TNXB: variants seen among roughly 807,000 people sequenced by gnomAD.
TNXB encodes the protein tenascin XB.
A neutral mutation model predicts 340.5 loss-of-function variants in TNXB; 183 were observed. The ratio of observed to expected loss-of-function variants is 0.54; its 90% CI spans 0.48 to 0.61. TNXB has a LOEUF of 0.61. TNXB is among the 20% of genes least tolerant of loss of function. TNXB has a pLI of 0.00. For synonymous variants in TNXB, 2,121 were observed against 2,314.5 expected, an observed-to-expected ratio of 0.92 and a Z score of 2.40; for missense variants, 4,613 against 5,446.4, an observed-to-expected ratio of 0.85 and a Z score of 4.82.
chr6:32,044,108 A>T lies in TNXB; in HGVS notation c.11285T>A (p.Leu3762His), dbSNP rs756864717. The change falls in exon 34 of 44, where the codon CTC (leucine) becomes CAC (histidine). Residue 3762 changes from leucine to histidine, a missense_variant. Leu to His is a moderately conservative substitution (Grantham distance 99). Coordinates refer to ENST00000644971, the MANE Select transcript of TNXB (RefSeq NM_001365276.2). ...GGTCTCCCTGATTTCACTGAATTGG[A>T]GGTCACGGGGGCTCTCCAGAACTGC... Reference protein sequence around the residue: ...LSPVLESPRDLQFSEIRETSA... With the variant: ...LSPVLESPRDHQFSEIRETSA... 10 of 1,478,940 alleles carry T rather than the reference A, an allele frequency of 6.8e-6. No homozygotes were observed. The highest frequency in any genetic ancestry group is 9.2e-6 in the Non-Finnish European group (10 of 1,085,572). The allele number at this position is 1,478,940 out of a possible 1,614,324, so 91.6% of individuals were successfully genotyped here.
Position 32,068,316 on chromosome 6 carries a change from C to T in TNXB, c.6220+74G>A. On this transcript the variant is annotated intron_variant, in intron 17 of 43. Transcript: ENST00000644971. The surrounding 1 kb of genome is among the most constrained non-coding windows in gnomAD (Gnocchi z 5.3). ...CTGACCAGACCCTTGTCCCATTCCC[C>T]ACCAGTCATCACCAAAGAGCAAGAG... is the stretch of plus-strand genomic sequence containing the variant. The T allele has an allele frequency of 6.4e-7, 1 of 1,553,054 alleles. No homozygotes were observed. The highest frequency in any genetic ancestry group is 8.7e-7 in the Non-Finnish European group (1 of 1,146,526).
At chr6:32,057,601 C>T (rs1328473945) in intron 22 of TNXB, among the ~76,000 whole-genome samples, 1 of 151,968 alleles carries the variant, frequency 6.6e-6, no homozygotes, top group African/African-American at 2.4e-5. Context: ...GTGAGTGGTC[C>T]CCTCCTCTGC....
chr6:32,097,567 C>A lies in TNXB; in HGVS notation c.404-118G>T. The A allele has an allele frequency of 2.3e-6, 3 of 1,302,420 alleles. No individual in the cohort carries two copies. The highest frequency in any genetic ancestry group is 3.1e-6 in the Non-Finnish European group (3 of 965,302). 80.7% of individuals were successfully genotyped at this position (1,302,420 alleles called of 1,614,324 possible). A position where few individuals can be genotyped will look rare whatever the true frequency, so the allele number is the denominator to read the frequency against. ...CTAGCCTCATCTCATAAGGCCATGT[C>A]TGCTCCCAGTTGCTAGTATGTGTAA... On this transcript the variant is annotated intron_variant, in intron 2 of 43. Coordinates refer to ENST00000644971, the MANE Select transcript of TNXB (RefSeq NM_001365276.2). This position sits in a 1 kb window ranked among gnomAD's most constrained non-coding sequence, Gnocchi z 5.9.
At chr6:32,094,979 CT>C (rs1386557444) in intron 4 of TNXB, 96 bp downstream of exon 4, 12 of 1,025,010 alleles carry the variant, frequency 1.2e-5, no homozygotes, top group Non-Finnish European at 1.5e-5. Context: ...GCCATCTGGA[CT>C]CAACCAATGA....
In TNXB at chr6:32,070,285, T is replaced by A. The variant is rs1249054845; in HGVS notation, c.5120A>T (p.Gln1707Leu). 1.2e-6 allele frequency: 2 copies of A among 1,612,954 alleles called. No homozygotes were observed. Among genetic ancestry groups the A allele is most frequent in the Non-Finnish European group, 1.7e-6 (2 of 1,179,614 alleles). ...PEGQFDSFVVQFKDKDGPQVV... is the reference protein window; with the variant it reads ...PEGQFDSFVVLFKDKDGPQVV... ...CTGGGGCCCGTCTTTGTCCTTGAACTGGACCACAAAAGAGTCGAACTGGCC... is the reference window on the plus strand; with the variant it reads ...CTGGGGCCCGTCTTTGTCCTTGAACAGGACCACAAAAGAGTCGAACTGGCC... The change falls in exon 14 of 44, where the codon CAG (glutamine) becomes CTG (leucine). Residue 1707 changes from glutamine to leucine, a missense_variant. By Grantham distance (113) the Gln-to-Leu change is moderately radical. Coordinates refer to ENST00000644971, the MANE Select transcript of TNXB (RefSeq NM_001365276.2). This position sits in a 1 kb window ranked among gnomAD's most constrained non-coding sequence, Gnocchi z 6.0.
At chr6:32,053,131 G>T in intron 25 of TNXB, 138 bp from the exon 26 acceptor site, 1 of 1,123,804 alleles carries the variant, frequency 8.9e-7, no homozygotes, top group Non-Finnish European at 1.2e-6. Flanking sequence ...GGAGCTGGGT[G>T]GTCTTGCTCA....
Position 32,070,626 on chromosome 6 carries a change from GAA to G in TNXB, c.4991-214_4991-213del, listed in dbSNP as rs967873468. ...GTCACCTGTCCTGAGTCACCTCCAGGAAAAGAGATTCCCTAGCTCCCTGCCTC... is the reference window on the plus strand; with the variant it reads ...GTCACCTGTCCTGAGTCACCTCCAGGAAGAGATTCCCTAGCTCCCTGCCTC... On this transcript the variant is annotated intron_variant, in intron 13 of 43. Transcript: ENST00000644971. This position sits in a 1 kb window ranked among gnomAD's most constrained non-coding sequence, Gnocchi z 6.0. Among the ~76,000 whole-genome samples the G allele has an allele frequency of 6.6e-6, 1 of 152,106 alleles. No individual in the cohort carries two copies.
Position 32,084,223 on chromosome 6 carries a change from G to A in TNXB, c.3445+190C>T, listed in dbSNP as rs1326242372. Reference sequence around the variant, plus strand: ...CCATGCTCTCCCCACCTTACTCACCGTGACTCCCTCAGGCTGCACTGAGCT... The same window carrying A: ...CCATGCTCTCCCCACCTTACTCACCATGACTCCCTCAGGCTGCACTGAGCT... On this transcript the variant is annotated intron_variant, in intron 8 of 43. Transcript: ENST00000644971. The surrounding 1 kb of genome is among the most constrained non-coding windows in gnomAD (Gnocchi z 5.5). 2.0e-5 allele frequency among the ~76,000 whole-genome samples: 3 copies of A among 152,018 alleles called. No homozygotes were observed. Among genetic ancestry groups the A allele is most frequent in the African/African-American group, 4.8e-5 (2 of 41,360 alleles).
intron 22 of TNXB, among the ~76,000 whole-genome samples, chr6:32,057,360 T>C (rs1484076637): frequency 2.6e-5 from 4 of 152,114 alleles, no homozygotes; most frequent in Non-Finnish European, 5.9e-5. Context: ...TTACCCTGAA[T>C]TCCCCTGGAT....
intron 11 of TNXB, among the ~76,000 whole-genome samples, chr6:32,078,073 G>GAA (rs879020062): frequency 8.0e-6 from 1 of 125,004 alleles, no homozygotes; most frequent in Non-Finnish European, 1.6e-5. Flanking sequence ...CAGAAAGAAA[G>GAA]AGAAAGAAAG....
intron 1 of TNXB, among the ~76,000 whole-genome samples, chr6:32,102,257 T>C (rs1780755459): frequency 6.6e-6 from 1 of 152,176 alleles, no homozygotes; most frequent in Non-Finnish European, 1.5e-5. Flanking sequence ...CTAAAACATA[T>C]AGTCTATAAC....
At position 32,097,385 on chromosome 6, in the gene TNXB, A is replaced by T. The variant is rs1445119291; in HGVS notation, c.468T>A (p.Cys156Ter). ...GCCCACCCCAGCCTGGCTCACAGGA[A>T]CAGGTGCAGCGGCTCAGATCAAACA... Reference protein sequence around the residue: ...HGVFDLSRCTCSCEPGWGGPT... With the variant: ...HGVFDLSRCT The change falls in exon 3 of 44, where the codon TGT becomes TGA. Residue 156 changes from cysteine (C) to a stop codon, truncating the protein, a stop_gained. Transcript: ENST00000644971. LOFTEE classifies it high-confidence loss of function. The surrounding 1 kb of genome is among the most constrained non-coding windows in gnomAD (Gnocchi z 5.9). 1.9e-6 allele frequency: 3 copies of T among 1,611,216 alleles called. No individual in the cohort carries two copies. Among genetic ancestry groups the T allele is most frequent in the Non-Finnish European group, 2.5e-6 (3 of 1,179,626 alleles).
Position 32,079,412 on chromosome 6 carries a change from C to T in TNXB, c.4043-47G>A, listed in dbSNP as rs1313489002. The T allele has an allele frequency of 2.7e-6, 4 of 1,467,960 alleles. No individual in the cohort carries two copies. Among genetic ancestry groups the T allele is most frequent in the African/African-American group, 1.4e-5 (1 of 71,420 alleles). The allele number at this position is 1,467,960 out of a possible 1,614,324, so 90.9% of individuals were successfully genotyped here. ...TAAAGGGCTGCTGGCTTTGCTGCTG[C>T]TGCCCACAGATGACAGCCATGGAAA... On this transcript the variant is annotated intron_variant, in intron 10 of 43. Coordinates refer to ENST00000644971, the MANE Select transcript of TNXB (RefSeq NM_001365276.2). The surrounding 1 kb of genome is among the most constrained non-coding windows in gnomAD (Gnocchi z 7.1).
chr6:32,098,138 C>A lies in TNXB; in HGVS notation c.61G>T (p.Ala21Ser). 6.3e-7 allele frequency: 1 copy of A among 1,582,986 alleles called. No homozygotes were observed. Among genetic ancestry groups the A allele is most frequent in the Non-Finnish European group, 8.6e-7 (1 of 1,161,004 alleles). The change falls in exon 2 of 44, where the codon GCC becomes TCC. Residue 21 changes from alanine to serine, a missense_variant. Physicochemically the swap from Ala to Ser is moderately conservative, Grantham distance 99 (BLOSUM62 1). Around this residue, in one of 7 missense-constraint regions of TNXB, gnomAD observed 4,327 missense variants for 4,859.4 expected, o/e 0.89. Coordinates refer to ENST00000644971, the MANE Select transcript of TNXB (RefSeq NM_001365276.2). ...CGTGAAGAGAAGGGGCCTGCTCTGG[C>A]TGTGCTCAGCAGCACCAGGAGAACC... Reference protein sequence around the residue: ...SLVLLVLLSTARAGPFSSRSN... With the variant: ...SLVLLVLLSTSRAGPFSSRSN...
chr6:32,098,086 C>G lies in TNXB; in HGVS notation c.113G>C (p.Arg38Pro), dbSNP rs149502087. 1 of 1,605,028 alleles carries G rather than the reference C, an allele frequency of 6.2e-7. No homozygotes were observed. The highest frequency in any genetic ancestry group is 1.7e-5 in the Admixed American group (1 of 59,978). ...GTGGCCCCCTGGCTGGGGAGGGGGCCGGGGGGCTGGCAGTGTCACATTGGA... is the reference window on the plus strand; with the variant it reads ...GTGGCCCCCTGGCTGGGGAGGGGGCGGGGGGGCTGGCAGTGTCACATTGGA... ...SRSNVTLPAPRPPPQPGGHTV... is the reference protein window; with the variant it reads ...SRSNVTLPAPPPPPQPGGHTV... Residue 38 changes from arginine to proline, a missense_variant, in exon 2 of 44, where the codon CGG (arginine) becomes CCG (proline). By Grantham distance (103) the Arg-to-Pro change is moderately radical. Transcript: ENST00000644971.
In TNXB at chr6:32,049,575, G is replaced by A; in HGVS notation, c.9452C>T (p.Pro3151Leu). The A allele has an allele frequency of 6.2e-7, 1 of 1,611,560 alleles. No individual in the cohort carries two copies. Among genetic ancestry groups the A allele is most frequent in the East Asian group, 2.2e-5 (1 of 44,850 alleles). ...SAIGVTEEET[P>L]SPTEPSTEAP... is the part of the protein sequence containing the mutation. Reference sequence around the variant, plus strand: ...CTCAGTGCTGGGTTCTGTGGGGCTGGGGGTCTCTTCCTCTGCAGTGGAGAA... The same window carrying A: ...CTCAGTGCTGGGTTCTGTGGGGCTGAGGGTCTCTTCCTCTGCAGTGGAGAA... Residue 3151 changes from proline (P) to leucine (L), a missense_variant, in exon 28 of 44, where the codon CCC (proline) becomes CTC (leucine). Transcript: ENST00000644971. The surrounding 1 kb of genome is among the most constrained non-coding windows in gnomAD (Gnocchi z 4.5).
rs1779033423 is a variant in TNXB at position 32,075,501 on chromosome 6, G to C, written c.4376-1549C>G. On this transcript the variant is annotated intron_variant, in intron 11 of 43. Transcript: ENST00000644971. This position sits in a 1 kb window ranked among gnomAD's most constrained non-coding sequence, Gnocchi z 4.6. ...GGTGGCTGTCCTCTCACCTCCTTCA[G>C]GGCTTTCCTCAGACACTGCCCTCGC... 6.6e-6 allele frequency among the ~76,000 whole-genome samples: 1 copy of C among 152,206 alleles called. No homozygotes were observed. The highest frequency in any genetic ancestry group is 1.5e-5 in the Non-Finnish European group (1 of 68,032).
rs1779937303 is a variant in TNXB, at chr6:32,088,807, T to C, written c.2757A>G (p.Pro919=). 6.3e-7 allele frequency: 1 copy of C among 1,576,898 alleles called. No individual in the cohort carries two copies. Among genetic ancestry groups the C allele is most frequent in the Non-Finnish European group, 8.6e-7 (1 of 1,162,160 alleles). Residue 919 remains proline (P), a synonymous_variant, in exon 6 of 44, where the codon CCA becomes CCG. Transcript: ENST00000644971. Reference sequence around the variant, plus strand: ...TACCTGTGTTGGCCCTGACAGAAGCTGGGTAGCTGACTGCCCGGCCCCGCT... The same window carrying C: ...TACCTGTGTTGGCCCTGACAGAAGCCGGGTAGCTGACTGCCCGGCCCCGCT... ...TAERGRAVSY[P]ASVRANTGSS...
At position 32,058,086 on chromosome 6, in the gene TNXB, C is replaced by T. The variant is rs369637; in HGVS notation, c.7797G>A (p.Leu2599=). The change falls in exon 22 of 44, where the codon CTG becomes CTA. Residue 2599 remains leucine (L), a synonymous_variant. Coordinates refer to ENST00000644971, the MANE Select transcript of TNXB (RefSeq NM_001365276.2). This position sits in a 1 kb window ranked among gnomAD's most constrained non-coding sequence, Gnocchi z 5.1. The stretch of plus-strand genomic sequence containing the variant: ...TGACGCCCACGGCAGACACCGGGCC[C>T]AGGCGCCGCCCCTCGTGGAGGCCGT... ...HLYGLHEGRR[L]GPVSAVGVTE... The T allele has an allele frequency of 0.13, 217,212 of 1,610,946 alleles. 17,223 individuals are homozygous for T. The highest frequency in any genetic ancestry group is 0.16 in the Non-Finnish European group (190,383 of 1,178,574).
Sources: gnomAD v4.1 joint callset for allele counts (sites outside exome capture counted in the v4.1 genomes callset) on GRCh38, gnomAD v4.1.1 for gene constraint, gnomAD v4.1.1 regional missense constraint, Gnocchi (gnomAD v3.1) non-coding constraint, MANE v1.5 for transcripts, NCBI Gene and HGNC (gene_info 2026-07-23, HGNC 2026-07-21) for gene names.